Variants in ANO6 observed in about 807,000 individuals in gnomAD.
ANO6 encodes anoctamin-6.
ANO6 carries 106 observed loss-of-function variants against 117.5 expected under a neutral mutation model. The ratio of observed to expected loss-of-function variants is 0.90; its 90% CI spans 0.77 to 1.06. The LOEUF (loss-of-function observed/expected upper bound fraction) is 1.06, where lower values mean the gene tolerates loss of function less well. Among genes scored for constraint, ANO6 ranks in the 50% least tolerant of loss-of-function variants. The pLI is 0.00. For missense variants in ANO6, 955 were observed against 1,121.1 expected, an observed-to-expected ratio of 0.85 and a Z score of 2.12; for synonymous variants, 367 against 385.1, an observed-to-expected ratio of 0.95 and a Z score of 0.55.
At chr12:45,218,490 G>A (rs1947350235) in intron 1 of ANO6, among the ~76,000 whole-genome samples, 1 of 150,818 alleles carries the variant, frequency 6.6e-6, no homozygotes, top group South Asian at 2.1e-4. Context: ...GACCTACGGG[G>A]CTCAAGCGAT....
At chr12:45,301,162 C>G (rs1939471700) in intron 1 of ANO6, among the ~76,000 whole-genome samples, 1 of 152,084 alleles carries the variant, frequency 6.6e-6, no homozygotes, top group South Asian at 2.1e-4. Flanking sequence ...AGTTTTTACA[C>G]TGATTACATG....
chr12:45,366,099 G>C (rs901309874), intron 8 of ANO6, among the ~76,000 whole-genome samples: 1 of 146,298 alleles, frequency 6.8e-6, no homozygotes, highest in African/African-American at 2.5e-5. Flanking sequence ...AGGGAGCAGC[G>C]TGCAATGTTA....
At chr12:45,406,390 G>A (rs1416748472) in intron 15 of ANO6, among the ~76,000 whole-genome samples, 2 of 152,162 alleles carry the variant, frequency 1.3e-5, no homozygotes, top group African/African-American at 2.4e-5. Context: ...TTAATAAAAG[G>A]CTAGTATAAT....
intron 3 of ANO6, among the ~76,000 whole-genome samples, chr12:45,338,770 A>G (rs1358813726): frequency 1.3e-5 from 2 of 152,088 alleles, no homozygotes; most frequent in Admixed American, 1.3e-4. Flanking sequence ...AGAGCAATGA[A>G]TCCAATTCTT....
In ANO6 at chr12:45,421,396, G is replaced by T. The variant is rs1266614866; in HGVS notation, c.2420+123G>T. The T allele has an allele frequency of 8.0e-6, 8 of 993,890 alleles. No homozygotes were observed. In the African/African-American group the frequency reaches 9.8e-5, roughly 12 times the overall value. 61.6% of individuals were successfully genotyped at this position (993,890 alleles called of 1,614,324 possible). On this transcript the variant is annotated intron_variant, in intron 18 of 19. Transcript: ENST00000320560. ...TCTTTATAACTTCAGGATCAATCAG[G>T]TGCTTTGGTGTCATTTAAATCAAGC...
At chr12:45,378,201 C>A in intron 10 of ANO6, 88 bp downstream of exon 10, 2 of 1,289,976 alleles carry the variant, frequency 1.6e-6, no homozygotes, top group Non-Finnish European at 1.1e-6. Context: ...CTTTTAGGAT[C>A]TTGTATTGCC....
chr12:45,321,856 C>A (rs1181766048), intron 2 of ANO6, among the ~76,000 whole-genome samples: 1 of 152,098 alleles, frequency 6.6e-6, no homozygotes, highest in Non-Finnish European at 1.5e-5. Context: ...CATTTCTCCC[C>A]ACAGAATATT....
At chr12:45,297,094 G>A (rs1939319492) in intron 1 of ANO6, among the ~76,000 whole-genome samples, 1 of 152,154 alleles carries the variant, frequency 6.6e-6, no homozygotes, top group Non-Finnish European at 1.5e-5. Context: ...AGAAATTACA[G>A]AATCAGAACT....
intron 1 of ANO6, among the ~76,000 whole-genome samples, chr12:45,254,550 A>G (rs969394696): frequency 2.0e-5 from 3 of 152,236 alleles, no homozygotes; most frequent in Non-Finnish European, 4.4e-5. Context: ...TACTTACAGG[A>G]CCAACTCTTT....
At chr12:45,409,300 TTTA>T in intron 15 of ANO6, 54 bp from the exon 16 acceptor site, 1 of 1,603,772 alleles carries the variant, frequency 6.2e-7, no homozygotes, top group Non-Finnish European at 8.5e-7. Context: ...GCAAAATATT[TTTA>T]TGACCTTGGC....
chr12:45,393,167 T>C (rs1477618767), intron 12 of ANO6, among the ~76,000 whole-genome samples: 1 of 152,182 alleles, frequency 6.6e-6, no homozygotes, highest in Non-Finnish European at 1.5e-5. Context: ...CTGATGGAGC[T>C]GAAAACCATG....
At chr12:45,279,231 A>G (rs2137250508) in intron 1 of ANO6, among the ~76,000 whole-genome samples, 1 of 152,328 alleles carries the variant, frequency 6.6e-6, no homozygotes, top group Non-Finnish European at 1.5e-5. Flanking sequence ...CCCTACCTTC[A>G]GTCCCACTTC....
At chr12:45,299,633 A>G (rs962523737) in intron 1 of ANO6, among the ~76,000 whole-genome samples, 1 of 152,080 alleles carries the variant, frequency 6.6e-6, no homozygotes, top group African/African-American at 2.4e-5. Flanking sequence ...CAGGCAGATC[A>G]TGAGGTCAGG....
chr12:45,219,080 C>T (rs1947357868), intron 1 of ANO6, among the ~76,000 whole-genome samples: 1 of 152,114 alleles, frequency 6.6e-6, no homozygotes, highest in Non-Finnish European at 1.5e-5. Context: ...TCTGGGATTA[C>T]AGGCATGAGC....
intron 16 of ANO6, among the ~76,000 whole-genome samples, chr12:45,415,623 CT>C (rs1215582221): frequency 6.6e-6 from 1 of 152,240 alleles, no homozygotes; most frequent in African/African-American, 2.4e-5. Context: ...TGGTCCTTGC[CT>C]GGCTGACTTC....
intron 9 of ANO6, among the ~76,000 whole-genome samples, chr12:45,368,463 A>G (rs1044393024): frequency 3.3e-5 from 5 of 152,228 alleles, no homozygotes; most frequent in South Asian, 2.1e-4. Context: ...GAAGGGTTTT[A>G]TATGTGATAA....
intron 11 of ANO6, among the ~76,000 whole-genome samples, chr12:45,389,770 T>C (rs571642303): frequency 3.3e-5 from 5 of 152,176 alleles, no homozygotes; most frequent in Non-Finnish European, 7.4e-5. Context: ...ATGGGAATAA[T>C]ACAGTTGTTT....
intron 1 of ANO6, among the ~76,000 whole-genome samples, chr12:45,284,025 T>G (rs1413658752): frequency 9.9e-5 from 15 of 152,210 alleles, no homozygotes; most frequent in Non-Finnish European, 8.8e-5. Flanking sequence ...GCATACAAAT[T>G]TATTTGATCA....
chr12:45,219,503 A>G (rs1249727057), intron 1 of ANO6, among the ~76,000 whole-genome samples: 1 of 119,690 alleles, frequency 8.4e-6, no homozygotes, highest in Non-Finnish European at 1.7e-5. Context: ...TGCCTGGCCA[A>G]TTTTTTTTTT....
Sources: allele counts gnomAD v4.1 joint callset (sites outside exome capture counted in the v4.1 genomes callset), GRCh38; gene constraint gnomAD v4.1.1; transcripts MANE v1.5; gene names NCBI Gene and HGNC (gene_info 2026-07-23, HGNC 2026-07-21).